Variants in C1orf185 observed in about 807,000 individuals in gnomAD.
The protein encoded by C1orf185 is uncharacterized protein C1orf185.
C1orf185 carries 13 observed loss-of-function variants against 16.1 expected under a neutral mutation model. The observed-to-expected ratio is 0.81, with a 90% CI of 0.53 to 1.28. C1orf185 has a LOEUF of 1.28. Ranked by LOEUF, C1orf185 falls within the 50% of genes most tolerant of loss-of-function variation. The pLI is 0.00. For synonymous variants in C1orf185, 80 were observed against 76.9 expected, an observed-to-expected ratio of 1.04 and a Z score of -0.21; for missense variants, 220 against 225.2, an observed-to-expected ratio of 0.98 and a Z score of 0.15.
chr1:51,147,906 A>G lies in C1orf185; in HGVS notation c.*135A>G. On this transcript the variant is annotated 3_prime_UTR_variant, in exon 5 of 5. Coordinates refer to ENST00000371759, the MANE Select transcript of C1orf185 (RefSeq NM_001136508.2). ...TATACAATCAGCTTCTGAGTCTCTT[A>G]ACATGTCCATGCTAATATTGCTTTT... 1 of 786,692 alleles carries G rather than the reference A, an allele frequency of 1.3e-6. No homozygotes were observed. Among genetic ancestry groups the G allele is most frequent in the Non-Finnish European group, 1.9e-6 (1 of 523,508 alleles). The allele number at this position is 786,692 out of a possible 1,614,324, so 48.7% of individuals were successfully genotyped here.
chr1:51,121,741 AC>A (rs1330777398), intron 3 of C1orf185, among the ~76,000 whole-genome samples: 18 of 152,128 alleles, frequency 1.2e-4, no homozygotes, highest in Non-Finnish European at 8.8e-5. Flanking sequence ...TCTAACAAAA[AC>A]TTTTATTGTG....
chr1:51,147,787 C>A lies in C1orf185; in HGVS notation c.*16C>A. The A allele has an allele frequency of 4.1e-6, 6 of 1,477,998 alleles. No homozygotes were observed. Among genetic ancestry groups the A allele is most frequent in the Non-Finnish European group, 5.4e-6 (6 of 1,110,488 alleles). 91.6% of individuals were successfully genotyped at this position (1,477,998 alleles called of 1,614,324 possible). ...CACTTTATGACCATCAAAAAGATGA[C>A]TACATTAAGGGAAAATGTTCATGAA... On this transcript the variant is annotated 3_prime_UTR_variant, in exon 5 of 5. Transcript: ENST00000371759.
At chr1:51,126,475 A>C (rs1041136685) in intron 3 of C1orf185, among the ~76,000 whole-genome samples, 1 of 152,058 alleles carries the variant, frequency 6.6e-6, no homozygotes, top group South Asian at 2.1e-4. Flanking sequence ...TGCCGAGGCT[A>C]ATCTCGAACT....
chr1:51,123,946 T>C (rs139786769), intron 3 of C1orf185, among the ~76,000 whole-genome samples: 1,504 of 149,284 alleles, frequency 0.01, 16 homozygotes, highest in African/African-American at 0.025. Flanking sequence ...TGTATATATA[T>C]ACACACACAC....
chr1:51,150,516 A>C (rs1194288375), downstream of C1orf185, among the ~76,000 whole-genome samples: 1 of 152,122 alleles, frequency 6.6e-6, no homozygotes, highest in East Asian at 1.9e-4. Context: ...ATTTCCTAAA[A>C]ACTTAACACA....
At chr1:51,125,074 A>G (rs1175738771) in intron 3 of C1orf185, among the ~76,000 whole-genome samples, 1 of 152,192 alleles carries the variant, frequency 6.6e-6, no homozygotes, top group Non-Finnish European at 1.5e-5. Flanking sequence ...CAAAGGGCCC[A>G]ACGGGAAGGT....
intron 3 of C1orf185, among the ~76,000 whole-genome samples, chr1:51,140,425 T>C (rs2148031199): frequency 6.6e-6 from 1 of 152,340 alleles, no homozygotes; most frequent in Non-Finnish European, 1.5e-5. Flanking sequence ...ATACTAGCAG[T>C]CTAATCATAG....
chr1:51,150,565 A>T (rs1297247171), downstream of C1orf185, among the ~76,000 whole-genome samples: 2 of 152,190 alleles, frequency 1.3e-5, no homozygotes, highest in Non-Finnish European at 2.9e-5. Flanking sequence ...TATCATAGGT[A>T]TATACACTGT....
At chr1:51,150,607 C>T (rs543951499), downstream of C1orf185, among the ~76,000 whole-genome samples, 38 of 152,244 alleles carry the variant, frequency 2.5e-4, no homozygotes, top group African/African-American at 5.3e-4. Context: ...ACAATACTTA[C>T]GAAATTATGC....
At chr1:51,109,055 C>T (rs1017708344) in intron 1 of C1orf185, among the ~76,000 whole-genome samples, 1 of 152,096 alleles carries the variant, frequency 6.6e-6, no homozygotes, top group Non-Finnish European at 1.5e-5. Flanking sequence ...TATAAGGGTT[C>T]CCCTTTCTCT....
intron 3 of C1orf185, among the ~76,000 whole-genome samples, chr1:51,129,116 C>T (rs1223133581): frequency 6.6e-6 from 1 of 152,088 alleles, no homozygotes; most frequent in Non-Finnish European, 1.5e-5. Flanking sequence ...AACTCCTGAC[C>T]TCAGGCGATC....
chr1:51,105,653 A>G (rs1323074365), intron 1 of C1orf185, among the ~76,000 whole-genome samples: 1 of 152,236 alleles, frequency 6.6e-6, no homozygotes, highest in Non-Finnish European at 1.5e-5. Context: ...TAAATAAAGA[A>G]TATTATTAAT....
At chr1:51,123,486 G>A (rs1480470253) in intron 3 of C1orf185, among the ~76,000 whole-genome samples, 1 of 152,144 alleles carries the variant, frequency 6.6e-6, no homozygotes, top group Non-Finnish European at 1.5e-5. Flanking sequence ...TATGTGTGGA[G>A]GTTTTTGTAT....
intron 1 of C1orf185, among the ~76,000 whole-genome samples, chr1:51,103,143 C>T (rs1646043806): frequency 6.6e-6 from 1 of 151,832 alleles, no homozygotes. Context: ...CAGTGGCTCT[C>T]ACTTGAAATC....
In C1orf185 at chr1:51,147,629, A is replaced by G. The variant is rs775895375; in HGVS notation, c.458A>G (p.Asp153Gly). The G allele has an allele frequency of 6.4e-7, 1 of 1,551,540 alleles. No homozygotes were observed. The highest frequency in any genetic ancestry group is 1.2e-5 in the South Asian group (1 of 84,056). ...AGCCAAAGTATAGAAGCAGCTGATGACTGGTTTTCTGATGATTCTCTAGTG... is the reference window on the plus strand; with the variant it reads ...AGCCAAAGTATAGAAGCAGCTGATGGCTGGTTTTCTGATGATTCTCTAGTG... ...YYSQSIEAAD[D>G]WFSDDSLVKR... The change falls in exon 5 of 5, where the codon GAC becomes GGC. Residue 153 changes from aspartate (D) to glycine (G), a missense_variant. Asp to Gly is a moderately conservative substitution (Grantham distance 94). Coordinates refer to ENST00000371759, the MANE Select transcript of C1orf185 (RefSeq NM_001136508.2).
intron 3 of C1orf185, among the ~76,000 whole-genome samples, chr1:51,142,459 T>C (rs1175579439): frequency 6.6e-6 from 1 of 152,218 alleles, no homozygotes; most frequent in Admixed American, 6.5e-5. Context: ...CCTTTTTCAA[T>C]TGCATATAGA....
chr1:51,102,295 A>G (rs1266380664), intron 1 of C1orf185, 46 bp downstream of exon 1: 3 of 708,754 alleles, frequency 4.2e-6, no homozygotes, highest in East Asian at 5.4e-5. Context: ...CCTGGGAAGA[A>G]GAGGAAAATA....
intron 1 of C1orf185, among the ~76,000 whole-genome samples, chr1:51,110,700 G>A (rs1189250007): frequency 6.6e-6 from 1 of 152,154 alleles, no homozygotes; most frequent in African/African-American, 2.4e-5. Flanking sequence ...TGAGCGTGAT[G>A]GCTTATGCCT....
At position 51,147,831 on chromosome 1, in the gene C1orf185, T is replaced by C. The variant is rs1475551410; in HGVS notation, c.*60T>C. ...TCATGAAGAAACACAGAGGTTGAAATATAAAACCTTCAACATAATACTGAA... is the reference window on the plus strand; with the variant it reads ...TCATGAAGAAACACAGAGGTTGAAACATAAAACCTTCAACATAATACTGAA... On this transcript the variant is annotated 3_prime_UTR_variant, in exon 5 of 5. Transcript: ENST00000371759. The C allele has an allele frequency of 7.4e-7, 1 of 1,357,942 alleles. No homozygotes were observed. The highest frequency in any genetic ancestry group is 9.8e-7 in the Non-Finnish European group (1 of 1,023,798). 84.1% of individuals were successfully genotyped at this position (1,357,942 alleles called of 1,614,324 possible).
Sources: gnomAD v4.1 joint callset for allele counts (sites outside exome capture counted in the v4.1 genomes callset) on GRCh38, gnomAD v4.1.1 for gene constraint, MANE v1.5 for transcripts, NCBI Gene and HGNC (gene_info 2026-07-23, HGNC 2026-07-21) for gene names.